The following EXD2 variants were observed in gnomAD, a reference collection of about 807,000 sequenced individuals.
EXD2 encodes the protein exonuclease 3'-5' domain containing 2, also known as exonuclease 3'-5' domain-containing protein 2.
In EXD2, 40 loss-of-function variants were observed where a neutral mutation model predicts 62.5. The ratio of observed to expected loss-of-function variants is 0.64; its 90% CI spans 0.50 to 0.83. The LOEUF (loss-of-function observed/expected upper bound fraction) is 0.83. EXD2 is among the 40% of genes least tolerant of loss of function. The pLI is 0.00. For synonymous variants in EXD2, 239 were observed against 291.9 expected (o/e 0.82, Z 1.85); for missense variants, 671 against 761.8 (o/e 0.88, Z 1.40).
Position 69,236,141 on chromosome 14 carries a change from A to G in EXD2, c.1145A>G (p.Lys382Arg). 1.9e-6 allele frequency: 3 copies of G among 1,613,800 alleles called. No homozygotes were observed. Among genetic ancestry groups the G allele is most frequent in the Non-Finnish European group, 2.5e-6 (3 of 1,179,676 alleles). Residue 382 changes from lysine to arginine, a missense_variant, in exon 7 of 10, where the codon AAA becomes AGA. Coordinates refer to ENST00000685843, the MANE Select transcript of EXD2 (RefSeq NM_001193360.2). The stretch of plus-strand genomic sequence containing the variant: ...AGAAAAGCTCAGTGGTACCTGGACA[A>G]AGGCATTGGTGGTATGAGATTCAGC... ...DRRKAQWYLDKGIGELVSEEP... is the reference protein window; with the variant it reads ...DRRKAQWYLDRGIGELVSEEP...
chr14:69,222,003 G>A (rs1277845876), intron 3 of EXD2, among the ~76,000 whole-genome samples: 6 of 149,734 alleles, frequency 4.0e-5, no homozygotes, highest in South Asian at 2.1e-4. Context: ...CAGGAGAATC[G>A]CTTGAACCTG....
Position 69,242,384 on chromosome 14 carries a change from T to G in EXD2, c.*1284T>G, listed in dbSNP as rs1002362254. On this transcript the variant is annotated 3_prime_UTR_variant, in exon 10 of 10. Coordinates refer to ENST00000685843, the MANE Select transcript of EXD2 (RefSeq NM_001193360.2). ...GGCTCACTGGATGTAAATGTAAAAC[T>G]TCGCGACTTTATAAAACTGGCATTC... The G allele has an allele frequency of 4.7e-5, 9 of 190,864 alleles. No individual in the cohort carries two copies. Among genetic ancestry groups the G allele is most frequent in the Non-Finnish European group, 9.5e-5 (9 of 94,904 alleles). 11.8% of individuals were successfully genotyped at this position (190,864 alleles called of 1,614,324 possible).
chr14:69,232,450 G>C (rs1594777126), intron 5 of EXD2, among the ~76,000 whole-genome samples: 1 of 152,156 alleles, frequency 6.6e-6, no homozygotes, highest in South Asian at 2.1e-4. Context: ...GTTACCACTT[G>C]TTCATCCTTG....
At chr14:69,193,327 G>A (rs911494603) in intron 1 of EXD2, among the ~76,000 whole-genome samples, 1 of 152,178 alleles carries the variant, frequency 6.6e-6, no homozygotes, top group Non-Finnish European at 1.5e-5. Flanking sequence ...CCGAAGTGAT[G>A]GGATTACAGG....
intron 3 of EXD2, among the ~76,000 whole-genome samples, chr14:69,219,219 T>G (rs1431379509): frequency 1.3e-5 from 2 of 152,224 alleles, no homozygotes; most frequent in African/African-American, 4.8e-5. Context: ...GAAGAGGTCC[T>G]TCACATCCCT....
Position 69,242,890 on chromosome 14 carries a change from GT to G in EXD2, c.*1791del. 1 of 152,316 alleles carries G rather than the reference GT, an allele frequency of 6.6e-6. No individual in the cohort carries two copies. Among genetic ancestry groups the G allele is most frequent in the East Asian group, 1.9e-4 (1 of 5,190 alleles). 9.4% of individuals were successfully genotyped at this position (152,316 alleles called of 1,614,324 possible). On this transcript the variant is annotated 3_prime_UTR_variant, in exon 10 of 10. Coordinates refer to ENST00000685843, the MANE Select transcript of EXD2 (RefSeq NM_001193360.2). Reference sequence around the variant, plus strand: ...TCAAATTTTGCATAGCTGATTTTAAGTCATTTTGATAGCTTTGCAAGAAAAA... The same window carrying G: ...TCAAATTTTGCATAGCTGATTTTAAGCATTTTGATAGCTTTGCAAGAAAAA...
At chr14:69,213,931 T>G (rs947614967) in intron 3 of EXD2, 2 of 152,078 alleles carry the variant, frequency 1.3e-5, no homozygotes, top group African/African-American at 4.8e-5. Flanking sequence ...ACATTTTTCT[T>G]ATATCTCTGA....
In EXD2 at chr14:69,213,373, CTTTTTTT is replaced by C. The variant is rs150182640; in HGVS notation, c.333+3589_333+3595del. ...TGTGTGTGAGCTACCATGCTGGGCC[CTTTTTTT>C]TTTTTTTTTTTTTTTTTTAAGAGAT... On this transcript the variant is annotated intron_variant, in intron 3 of 9. Transcript: ENST00000685843. Among the ~76,000 whole-genome samples the C allele has an allele frequency of 5.4e-3, 487 of 90,000 alleles. 12 individuals are homozygous for C. The highest frequency in any genetic ancestry group is 0.02 in the African/African-American group (445 of 21,902). The allele number at this position is 90,000 out of a possible 152,430, so 59.0% of individuals were successfully genotyped here.
Position 69,236,527 on chromosome 14 carries a change from G to A in EXD2, c.1277G>A (p.Arg426Lys). The change falls in exon 8 of 10, where the codon AGA becomes AAA. Residue 426 changes from arginine to lysine, a missense_variant. Arg to Lys is a conservative substitution (Grantham distance 26, BLOSUM62 2). Transcript: ENST00000685843. ...KENLCVVCGKRDSYIRKNVIP... is the reference protein window; with the variant it reads ...KENLCVVCGKKDSYIRKNVIP... The stretch of plus-strand genomic sequence containing the variant: ...AACCTGTGTGTAGTGTGTGGCAAGA[G>A]AGACTCCTACATTCGGTGAGTGCAG... 6 of 1,614,184 alleles carry A rather than the reference G, an allele frequency of 3.7e-6. No individual in the cohort carries two copies. The highest frequency in any genetic ancestry group is 5.1e-6 in the Non-Finnish European group (6 of 1,180,036).
chr14:69,211,548 A>C (rs1307442943), intron 3 of EXD2, among the ~76,000 whole-genome samples: 1 of 150,902 alleles, frequency 6.6e-6, no homozygotes, highest in Non-Finnish European at 1.5e-5. Flanking sequence ...CTTTGTAGTC[A>C]CAAAAGCCCT....
intron 5 of EXD2, among the ~76,000 whole-genome samples, chr14:69,233,392 A>T (rs546242636): frequency 1.8e-4 from 27 of 151,932 alleles, no homozygotes; most frequent in South Asian, 8.3e-4. Flanking sequence ...TAGTTTTTTT[A>T]AAATTTTAGT....
At chr14:69,201,795 G>A (rs2042415581) in intron 1 of EXD2, among the ~76,000 whole-genome samples, 1 of 142,980 alleles carries the variant, frequency 7.0e-6, no homozygotes, top group Admixed American at 7.6e-5. Context: ...CGATTCTTCT[G>A]CCTCAGCCTC....
chr14:69,213,373 C>CTTT (rs150182640), intron 3 of EXD2, among the ~76,000 whole-genome samples: 1 of 90,018 alleles, frequency 1.1e-5, no homozygotes, highest in Non-Finnish European at 2.0e-5. Context: ...ATGCTGGGCC[C>CTTT]TTTTTTTTTT....
intron 2 of EXD2, among the ~76,000 whole-genome samples, chr14:69,207,266 G>A (rs1021850831): frequency 2.0e-5 from 3 of 152,006 alleles, no homozygotes; most frequent in African/African-American, 7.2e-5. Flanking sequence ...GGCTGAGACA[G>A]GTGAATCACT....
At chr14:69,204,129 A>G (rs1315775765) in intron 2 of EXD2, 129 bp downstream of exon 2, 1 of 152,232 alleles carries the variant, frequency 6.6e-6, no homozygotes, top group Non-Finnish European at 1.5e-5. Context: ...TATTCCAAGA[A>G]TATGATTCTG....
rs2044025487 is a variant in EXD2 at position 69,243,241 on chromosome 14, T to C, written c.*2141T>C. The C allele has an allele frequency of 6.6e-6, 1 of 152,248 alleles. No homozygotes were observed. 9.4% of individuals were successfully genotyped at this position (152,248 alleles called of 1,614,324 possible). A position where few individuals can be genotyped will look rare whatever the true frequency, so the allele number is the denominator to read the frequency against. ...AATCAGAGATTTGAGGGTAGACTTA[T>C]TTTATGGCAAATGTCTATTTTTCTG... On this transcript the variant is annotated 3_prime_UTR_variant, in exon 10 of 10. Transcript: ENST00000685843.
At position 69,228,878 on chromosome 14, in the gene EXD2, G is replaced by A. The variant is rs758857159; in HGVS notation, c.396G>A (p.Leu132=). 6.2e-7 allele frequency: 1 copy of A among 1,614,194 alleles called. No homozygotes were observed. The highest frequency in any genetic ancestry group is 2.2e-5 in the East Asian group (1 of 44,886). ...SLLQMASPSG[L]CVLVRLPKLI... ...TACAAATGGCCTCCCCAAGTGGCCTGTGTGTCTTGGTTCGCCTGCCCAAGC... is the reference window on the plus strand; with the variant it reads ...TACAAATGGCCTCCCCAAGTGGCCTATGTGTCTTGGTTCGCCTGCCCAAGC... The change falls in exon 4 of 10, where the codon CTG becomes CTA. Residue 132 remains leucine (L), a synonymous_variant. Transcript: ENST00000685843.
chr14:69,237,045 C>G (rs2043819482), intron 8 of EXD2, among the ~76,000 whole-genome samples: 1 of 152,264 alleles, frequency 6.6e-6, no homozygotes, highest in Non-Finnish European at 1.5e-5. Flanking sequence ...GAGTCACTCA[C>G]TTTCCTCCTT....
At chr14:69,209,824 TAAA>T (rs199733370) in intron 3 of EXD2, 21 bp downstream of exon 3, 1,626 of 1,050,674 alleles carry the variant, frequency 1.5e-3, no homozygotes, top group South Asian at 2.7e-3. Context: ...AAGCAAAAGT[TAAA>T]AAAAAAAAAA....
Sources: gnomAD v4.1 joint callset for allele counts (sites outside exome capture counted in the v4.1 genomes callset) on GRCh38, gnomAD v4.1.1 for gene constraint, MANE v1.5 for transcripts, NCBI Gene and HGNC (gene_info 2026-07-23, HGNC 2026-07-21) for gene names.